Variants in TMC7 observed in about 807,000 individuals in gnomAD.
The protein encoded by TMC7 is transmembrane channel like 7.
In TMC7, 54 loss-of-function variants were observed where a neutral mutation model predicts 82.9. The observed-to-expected ratio is 0.65, with a 90% CI of 0.52 to 0.82. The LOEUF is 0.82. TMC7 is among the 40% of genes least tolerant of loss of function. The pLI, the probability that TMC7 is intolerant of heterozygous loss-of-function variation, is 0.00. For missense variants in TMC7, 820 were observed against 901.2 expected (o/e 0.91, Z 1.15); for synonymous variants, 350 against 337.9 (o/e 1.04, Z -0.39).
At chr16:19,023,856 C>T (rs546629792) in intron 5 of TMC7, among the ~76,000 whole-genome samples, 29 of 152,270 alleles carry the variant, frequency 1.9e-4, no homozygotes, top group African/African-American at 5.5e-4. Context: ...TCTCTGACAC[C>T]GATAAACCCC....
chr16:19,016,608 C>G lies in TMC7; in HGVS notation c.460+10C>G. The G allele has an allele frequency of 6.2e-7, 1 of 1,612,168 alleles. No homozygotes were observed. Among genetic ancestry groups the G allele is most frequent in the Non-Finnish European group, 8.5e-7 (1 of 1,179,548 alleles). On this transcript the variant is annotated intron_variant, in intron 3 of 15. Coordinates refer to ENST00000304381, the MANE Select transcript of TMC7 (RefSeq NM_024847.4). ...ATCCGCAGCATAGAAGGTATGCTGT[C>G]CTCACCTCTCTGCAGGCTCCTCCGC...
intron 4 of TMC7, among the ~76,000 whole-genome samples, 156 bp from the exon 5 acceptor site, chr16:19,022,957 C>G (rs1403068079): frequency 6.6e-6 from 1 of 152,042 alleles, no homozygotes; most frequent in African/African-American, 2.4e-5. Flanking sequence ...GAGGCAGAGG[C>G]TTCAGTGAGC....
In TMC7 at chr16:18,983,934, A is replaced by G; in HGVS notation, c.-130A>G. The G allele has an allele frequency of 9.8e-7, 1 of 1,020,578 alleles. No homozygotes were observed. The allele number at this position is 1,020,578 out of a possible 1,614,324, so 63.2% of individuals were successfully genotyped here. ...GCTCGGCTCCTCGCGGGGGCGCCCCACTCCGGCTTCTGTGATGTCAGCGCC... is the reference window on the plus strand; with the variant it reads ...GCTCGGCTCCTCGCGGGGGCGCCCCGCTCCGGCTTCTGTGATGTCAGCGCC... On this transcript the variant is annotated 5_prime_UTR_variant, in exon 1 of 16. Transcript: ENST00000304381.
At chr16:19,013,158 C>T (rs1035649452) in intron 2 of TMC7, among the ~76,000 whole-genome samples, 1 of 151,706 alleles carries the variant, frequency 6.6e-6, no homozygotes, top group Non-Finnish European at 1.5e-5. Flanking sequence ...ATTCTAAGCT[C>T]TTTATTTCCT....
chr16:19,009,471 GT>G, intron 2 of TMC7, 56 bp downstream of exon 2: 1 of 1,542,616 alleles, frequency 6.5e-7, no homozygotes, highest in South Asian at 1.2e-5. Flanking sequence ...CCAGAGGTAT[GT>G]TTTGTGCGTG....
At position 19,023,101 on chromosome 16, in the gene TMC7, T is replaced by C. The variant is rs770357727; in HGVS notation, c.629-12T>C. 6.4e-7 allele frequency: 1 copy of C among 1,569,204 alleles called. No individual in the cohort carries two copies. Among genetic ancestry groups the C allele is most frequent in the East Asian group, 2.3e-5 (1 of 44,370 alleles). Reference sequence around the variant, plus strand: ...CTGTTTCCACTGACATTCTGGTTTTTGTTTCTTACAGATAAACAATGTACA... The same window carrying C: ...CTGTTTCCACTGACATTCTGGTTTTCGTTTCTTACAGATAAACAATGTACA... On this transcript the variant is annotated splice_polypyrimidine_tract_variant and intron_variant, in intron 4 of 15. Coordinates refer to ENST00000304381, the MANE Select transcript of TMC7 (RefSeq NM_024847.4).
intron 1 of TMC7, among the ~76,000 whole-genome samples, chr16:19,000,068 C>T (rs1442401257): frequency 6.6e-6 from 1 of 152,086 alleles, no homozygotes; most frequent in Non-Finnish European, 1.5e-5. Flanking sequence ...CTGCGAGCCA[C>T]CACGCCGGGC....
intron 8 of TMC7, 40 bp from the exon 9 acceptor site, chr16:19,040,249 C>T (rs1339619483): frequency 1.3e-6 from 2 of 1,581,506 alleles, no homozygotes; most frequent in Non-Finnish European, 1.7e-6. Context: ...GTGTAACTTC[C>T]TCATATACTC....
intron 1 of TMC7, among the ~76,000 whole-genome samples, chr16:18,990,322 G>A (rs1320160316): frequency 6.6e-6 from 1 of 152,166 alleles, no homozygotes; most frequent in Non-Finnish European, 1.5e-5. Context: ...GGATGCAATG[G>A]CCTGGCTTGG....
intron 14 of TMC7, among the ~76,000 whole-genome samples, chr16:19,057,682 GATCTGACTTAAGT>G (rs1168669646): frequency 6.6e-6 from 1 of 152,258 alleles, no homozygotes; most frequent in Non-Finnish European, 1.5e-5. Context: ...GCACTTCTCT[GATCTGACTTAAGT>G]ATCTCAGGGA....
At chr16:19,042,879 C>T (rs796884415) in intron 9 of TMC7, among the ~76,000 whole-genome samples, 17 of 151,700 alleles carry the variant, frequency 1.1e-4, no homozygotes, top group African/African-American at 3.6e-4. Context: ...CCCAAGTAGC[C>T]GGGACTACAG....
intron 3 of TMC7, among the ~76,000 whole-genome samples, chr16:19,016,830 T>C (rs1311721309): frequency 1.3e-5 from 2 of 152,180 alleles, no homozygotes; most frequent in Admixed American, 6.5e-5. Context: ...ATACCGTTAA[T>C]ACCCATGAAT....
intron 5 of TMC7, among the ~76,000 whole-genome samples, 157 bp downstream of exon 5, chr16:19,023,352 A>G (rs1960073559): frequency 1.3e-5 from 2 of 152,238 alleles, no homozygotes. Flanking sequence ...TTACCTCATC[A>G]GAAAGAACAA....
At position 19,041,372 on chromosome 16, in the gene TMC7, C is replaced by CT. The variant is rs201698759; in HGVS notation, c.1337+937dup. ...TTCATCTGTAAACACTTCATTATAC[C>CT]TTTTTTTTTTTGAGACGGAGACTTG... On this transcript the variant is annotated intron_variant, in intron 9 of 15. Transcript: ENST00000304381. 2.2e-3 allele frequency among the ~76,000 whole-genome samples: 326 copies of CT among 147,476 alleles called. 2 individuals are homozygous for CT. The East Asian group carries it at 0.026, about 12-fold the overall frequency.
At chr16:19,016,859 T>A (rs1170957735) in intron 3 of TMC7, among the ~76,000 whole-genome samples, 1 of 152,126 alleles carries the variant, frequency 6.6e-6, no homozygotes, top group Non-Finnish European at 1.5e-5. Flanking sequence ...ATTTCAGTCA[T>A]TATTAGACTT....
intron 8 of TMC7, among the ~76,000 whole-genome samples, chr16:19,039,232 A>G (rs1960900391): frequency 6.6e-6 from 1 of 151,782 alleles, no homozygotes. Flanking sequence ...CTGGGATTAC[A>G]GGCACCCGCC....
chr16:19,001,788 C>G (rs1429442109), intron 1 of TMC7, among the ~76,000 whole-genome samples: 1 of 152,162 alleles, frequency 6.6e-6, no homozygotes, highest in African/African-American at 2.4e-5. Flanking sequence ...AAAAGCTCAT[C>G]AAAGCACAGA....
At chr16:19,038,232 C>G (rs113949720) in intron 8 of TMC7, among the ~76,000 whole-genome samples, 185 bp downstream of exon 8, 2,640 of 152,126 alleles carry the variant, frequency 0.017, 77 homozygotes, top group African/African-American at 0.061. Flanking sequence ...TTTTGCTCTT[C>G]TTGCCCAGAC....
chr16:19,010,630 C>CT (rs1959270677), intron 2 of TMC7, among the ~76,000 whole-genome samples: 1 of 152,228 alleles, frequency 6.6e-6, no homozygotes, highest in Non-Finnish European at 1.5e-5. Flanking sequence ...TACCAGTCAG[C>CT]TACGCAGCAG....
Sources: gnomAD v4.1 joint callset for allele counts (sites outside exome capture counted in the v4.1 genomes callset) on GRCh38, gnomAD v4.1.1 for gene constraint, MANE v1.5 for transcripts, NCBI Gene and HGNC (gene_info 2026-07-23, HGNC 2026-07-21) for gene names.